Variants in TRPC7 observed in about 807,000 individuals in gnomAD.
TRPC7 encodes the protein short transient receptor potential channel 7.
TRPC7 carries 42 observed loss-of-function variants against 90.1 expected under a neutral mutation model. The ratio of observed to expected loss-of-function variants is 0.47; its 90% CI spans 0.36 to 0.60. TRPC7 has a LOEUF of 0.60. TRPC7 is among the 20% of genes least tolerant of loss of function. The probability of loss-of-function intolerance (pLI) is 0.00; values close to 1 mark genes in which losing one functional copy is unlikely to be tolerated. For missense variants in TRPC7, 955 were observed against 1,112.3 expected, an observed-to-expected ratio of 0.86 and a Z score of 2.01; for synonymous variants, 451 against 436.3, an observed-to-expected ratio of 1.03 and a Z score of -0.42.
At chr5:136,284,452 T>A (rs1757646949) in intron 3 of TRPC7, among the ~76,000 whole-genome samples, 1 of 152,224 alleles carries the variant, frequency 6.6e-6, no homozygotes, top group Non-Finnish European at 1.5e-5. Context: ...GAAGTAAAAC[T>A]GAATCCCACT....
chr5:136,319,855 T>G (rs1759137457), intron 2 of TRPC7, among the ~76,000 whole-genome samples: 3 of 151,902 alleles, frequency 2.0e-5, no homozygotes, highest in Non-Finnish European at 2.9e-5. Flanking sequence ...GTTAATTCAT[T>G]TTCATCTCCC....
chr5:136,336,971 C>T (rs985411103), intron 2 of TRPC7, among the ~76,000 whole-genome samples: 1 of 152,164 alleles, frequency 6.6e-6, no homozygotes, highest in African/African-American at 2.4e-5. Flanking sequence ...CATTGTATAG[C>T]CTGGGTCTGC....
At chr5:136,312,972 CTTTTT>C (rs34840823) in intron 3 of TRPC7, among the ~76,000 whole-genome samples, 27 of 97,052 alleles carry the variant, frequency 2.8e-4, no homozygotes, top group African/African-American at 8.8e-4. Flanking sequence ...AGTAGTGATT[CTTTTT>C]TTTTTTTTTT....
chr5:136,272,733 C>T (rs1036084367), intron 4 of TRPC7, among the ~76,000 whole-genome samples: 1 of 152,122 alleles, frequency 6.6e-6, no homozygotes, highest in African/African-American at 2.4e-5. Flanking sequence ...AGTATCTAAA[C>T]AGAGGTGAGG....
rs551307311 is a variant in TRPC7 at position 136,293,871 on chromosome 5, C to T, written c.964-19034G>A. Among the ~76,000 whole-genome samples the T allele has an allele frequency of 3.9e-4, 60 of 152,254 alleles. 1 individual carries two copies. The East Asian group carries it at 6.5e-3, about 17-fold the overall frequency. On this transcript the variant is annotated intron_variant, in intron 3 of 11. Transcript: ENST00000513104. ...CAAAAGAACAAAGCTGGAGGCATCA[C>T]GCTACCTGACTTCAAACTATACTAC...
rs1348554252 is a variant in TRPC7, at chr5:136,290,936, TG to T, written c.964-16100del. On this transcript the variant is annotated intron_variant, in intron 3 of 11. Transcript: ENST00000513104. ...AAGGAAAGCCCATCAGACTAACAGC[TG>T]ATCTCTCAGCAGAAACTCTGCAAGC... Among the ~76,000 whole-genome samples the T allele has an allele frequency of 2.6e-5, 4 of 152,324 alleles. No individual in the cohort carries two copies. The East Asian group carries it at 7.7e-4, about 29-fold the overall frequency.
chr5:136,342,859 C>T (rs1382665526), intron 2 of TRPC7, among the ~76,000 whole-genome samples: 1 of 151,858 alleles, frequency 6.6e-6, no homozygotes, highest in African/African-American at 2.4e-5. Context: ...TCATAGGTCA[C>T]AAAACAAAGT....
chr5:136,223,932 AAGATTTGCCC>A (rs1279456247), intron 10 of TRPC7, among the ~76,000 whole-genome samples: 9 of 152,232 alleles, frequency 5.9e-5, no homozygotes, highest in Non-Finnish European at 1.2e-4. Flanking sequence ...GATTAAACAC[AAGATTTGCCC>A]ATTGCTAATT....
At position 136,213,372 on chromosome 5, in the gene TRPC7, G is replaced by T; in HGVS notation, c.*63C>A. 2 of 1,562,198 alleles carry T rather than the reference G, an allele frequency of 1.3e-6. No homozygotes were observed. The highest frequency in any genetic ancestry group is 2.4e-5 in the South Asian group (2 of 84,854). On this transcript the variant is annotated 3_prime_UTR_variant, in exon 12 of 12. Transcript: ENST00000513104. ...GGGGACCCCTCCCCACCAAGGATGG[G>T]GGCGAGGGCATCCAACCTGGCCTTG...
At chr5:136,269,360 C>A (rs1474864701) in intron 4 of TRPC7, among the ~76,000 whole-genome samples, 1 of 152,170 alleles carries the variant, frequency 6.6e-6, no homozygotes. Context: ...AGAAAATTGC[C>A]TTCATGGACC....
rs371371913 is a variant in TRPC7, at chr5:136,213,498, G to A, written c.2526C>T (p.Ser842=). The A allele has an allele frequency of 1.3e-4, 209 of 1,613,990 alleles. No individual in the cohort carries two copies. Among genetic ancestry groups the A allele is most frequent in the South Asian group, 2.6e-4 (24 of 91,090 alleles). The change falls in exon 12 of 12, where the codon AGC becomes AGT. Residue 842 remains serine, a synonymous_variant. Transcript: ENST00000513104. ...TGTTTAAGTTCTTTCCAAACTTCTC[G>A]CTGAGTTGTTGAATCAGGTCTGCCA... is the stretch of plus-strand genomic sequence containing the variant. ...GELADLIQQL[S]EKFGKNLNKD...
chr5:136,231,892 ACTG>A (rs1296539883), intron 7 of TRPC7, among the ~76,000 whole-genome samples: 1 of 152,212 alleles, frequency 6.6e-6, no homozygotes, highest in Non-Finnish European at 1.5e-5. Flanking sequence ...GATGTAAGCC[ACTG>A]CATCTGGCCA....
In TRPC7 at chr5:136,220,152, T is replaced by A. The variant is rs542236080; in HGVS notation, c.2344-3877A>T. ...GATGATTGCTTTAAGTGTACAAATTTATTGTAAAACGTGTGTTTGAACAAT... is the reference window on the plus strand; with the variant it reads ...GATGATTGCTTTAAGTGTACAAATTAATTGTAAAACGTGTGTTTGAACAAT... On this transcript the variant is annotated intron_variant, in intron 10 of 11. Transcript: ENST00000513104. Among the ~76,000 whole-genome samples the A allele has an allele frequency of 1.2e-4, 18 of 152,354 alleles. No homozygotes were observed. In the South Asian group the frequency reaches 2.1e-3, roughly 18 times the overall value.
intron 3 of TRPC7, among the ~76,000 whole-genome samples, chr5:136,313,109 G>C (rs890882462): frequency 1.3e-5 from 2 of 151,490 alleles, no homozygotes; most frequent in South Asian, 4.2e-4. Context: ...AAGCCACTGC[G>C]TGATGCATAT....
At chr5:136,293,025 C>T (rs1461279221) in intron 3 of TRPC7, among the ~76,000 whole-genome samples, 2 of 152,154 alleles carry the variant, frequency 1.3e-5, no homozygotes, top group Admixed American at 1.3e-4. Context: ...AGCATATAAA[C>T]AGAACCAAAG....
intron 5 of TRPC7, among the ~76,000 whole-genome samples, chr5:136,258,692 T>G (rs1035133454): frequency 3.9e-5 from 6 of 152,190 alleles, no homozygotes; most frequent in Non-Finnish European, 8.8e-5. Context: ...GCTTGACAGC[T>G]AAAAGGCTAA....
intron 3 of TRPC7, among the ~76,000 whole-genome samples, chr5:136,297,353 T>C (rs1758216474): frequency 6.6e-6 from 1 of 152,166 alleles, no homozygotes; most frequent in African/African-American, 2.4e-5. Flanking sequence ...AGCTTGGATC[T>C]GCCTAGCAAC....
At chr5:136,219,851 C>A (rs1051660855) in intron 10 of TRPC7, among the ~76,000 whole-genome samples, 6 of 152,302 alleles carry the variant, frequency 3.9e-5, no homozygotes, top group African/African-American at 1.4e-4. Flanking sequence ...TCTGCAAAAA[C>A]CAGTTTTGCC....
chr5:136,213,695 G>A lies in TRPC7; in HGVS notation c.2420-91C>T, dbSNP rs555431749. 3 of 1,428,794 alleles carry A rather than the reference G, an allele frequency of 2.1e-6. No homozygotes were observed. In the South Asian group the frequency reaches 3.9e-5, roughly 18 times the overall value. 88.5% of individuals were successfully genotyped at this position (1,428,794 alleles called of 1,614,324 possible). A position where few individuals can be genotyped will look rare whatever the true frequency, so the allele number is the denominator to read the frequency against. ...ATGTGGGCATGTGCATCCTTCCAGT[G>A]GAATGTCGGGTCCTGGGCCAGCCCA... On this transcript the variant is annotated intron_variant, in intron 11 of 11. Coordinates refer to ENST00000513104, the MANE Select transcript of TRPC7 (RefSeq NM_020389.3).
Sources: gnomAD v4.1 joint callset for allele counts (sites outside exome capture counted in the v4.1 genomes callset) on GRCh38, gnomAD v4.1.1 for gene constraint, MANE v1.5 for transcripts, NCBI Gene and HGNC (gene_info 2026-07-23, HGNC 2026-07-21) for gene names.